The following TRPA1 variants were observed in gnomAD, a reference collection of about 807,000 sequenced individuals.
TRPA1 encodes transient receptor potential cation channel subfamily A member 1.
TRPA1 carries 129 observed loss-of-function variants against 131.3 expected under a neutral mutation model. The observed-to-expected ratio is 0.98, with a 90% CI of 0.85 to 1.14. TRPA1 has a LOEUF of 1.14. Ranked by LOEUF, TRPA1 falls within the 50% of genes most tolerant of loss-of-function variation. The probability of loss-of-function intolerance (pLI) is 0.00; values close to 1 mark genes in which losing one functional copy is unlikely to be tolerated. For missense variants in TRPA1, 1,304 were observed against 1,354.2 expected, an observed-to-expected ratio of 0.96 and a Z score of 0.58; for synonymous variants, 441 against 451.7, an observed-to-expected ratio of 0.98 and a Z score of 0.30.
At chr8:72,040,609 A>C (rs909236696) in intron 17 of TRPA1, among the ~76,000 whole-genome samples, 2 of 152,108 alleles carry the variant, frequency 1.3e-5, no homozygotes, top group African/African-American at 4.8e-5. Context: ...CTGACTTCTA[A>C]GGGGCTGCCC....
chr8:72,077,298 G>GGC (rs1563409758), upstream of TRPA1, among the ~76,000 whole-genome samples: 1 of 145,836 alleles, frequency 6.9e-6, no homozygotes, highest in African/African-American at 2.5e-5. Flanking sequence ...GGTGGGGGGG[G>GGC]GGGCAGCGTG....
intron 1 of TRPA1, among the ~76,000 whole-genome samples, chr8:72,072,457 T>C (rs2129436843): frequency 6.6e-6 from 1 of 152,318 alleles, no homozygotes; most frequent in Non-Finnish European, 1.5e-5. Flanking sequence ...TACAGAATAG[T>C]ACCTAACAAG....
the TRPA1 span, among the ~76,000 whole-genome samples, chr8:72,085,053 T>C: frequency 6.6e-6 from 1 of 152,134 alleles, no homozygotes; most frequent in African/African-American, 2.4e-5. Context: ...GAATTCTAAT[T>C]TCCTTTTCAA....
chr8:72,035,329 G>A (rs1811991815), intron 21 of TRPA1, among the ~76,000 whole-genome samples: 1 of 152,000 alleles, frequency 6.6e-6, no homozygotes, highest in Admixed American at 6.6e-5. Context: ...CCTATTTCTG[G>A]GCCACTGCCT....
At chr8:72,078,354 C>T (rs975321633), upstream of TRPA1, among the ~76,000 whole-genome samples, 1 of 152,076 alleles carries the variant, frequency 6.6e-6, no homozygotes, top group East Asian at 1.9e-4. Flanking sequence ...TTTAGAATAT[C>T]TCCATCAATC....
At chr8:72,087,510 C>G in the TRPA1 span, among the ~76,000 whole-genome samples, 1 of 151,912 alleles carries the variant, frequency 6.6e-6, no homozygotes, top group East Asian at 1.9e-4. Context: ...AACCCATTTT[C>G]CTTGTATCTT....
At chr8:72,065,289 G>A (rs920155504) in intron 4 of TRPA1, among the ~76,000 whole-genome samples, 162 bp downstream of exon 4, 2 of 152,102 alleles carry the variant, frequency 1.3e-5, no homozygotes, top group Non-Finnish European at 2.9e-5. Context: ...TAAGCAGGGA[G>A]TACATATACA....
intron 24 of TRPA1, among the ~76,000 whole-genome samples, chr8:72,029,145 T>C (rs1174156570): frequency 1.3e-5 from 2 of 152,192 alleles, no homozygotes; most frequent in African/African-American, 4.8e-5. Flanking sequence ...AAATTGTCTA[T>C]AAAAATGAGA....
chr8:72,063,983 T>C (rs1805871405), intron 4 of TRPA1, among the ~76,000 whole-genome samples: 1 of 152,126 alleles, frequency 6.6e-6, no homozygotes, highest in South Asian at 2.1e-4. Context: ...CCACTACTCT[T>C]GTTAAGCCAT....
chr8:72,030,760 A>C (rs764819668), intron 23 of TRPA1, among the ~76,000 whole-genome samples: 1 of 152,184 alleles, frequency 6.6e-6, no homozygotes, highest in African/African-American at 2.4e-5. Flanking sequence ...AGAATGATAC[A>C]TTTTATATCT....
At position 72,025,978 on chromosome 8, in the gene TRPA1, T is replaced by C. The variant is rs770368557; in HGVS notation, c.3033A>G (p.Arg1011=). Residue 1011 remains arginine, a synonymous_variant, in exon 25 of 27, where the codon AGA becomes AGG. Transcript: ENST00000262209. ...TACTTACGAATAACATCCCACCAGA[T>C]CTGGGTTTGTTGGGATACACGATGG... is the stretch of plus-strand genomic sequence containing the variant. ...KSTIVYPNKP[R]SGGMLFHIFC... 1.3e-5 allele frequency: 21 copies of C among 1,613,400 alleles called. No individual in the cohort carries two copies. Among genetic ancestry groups the C allele is most frequent in the Non-Finnish European group, 1.8e-5 (21 of 1,179,516 alleles).
intron 3 of TRPA1, among the ~76,000 whole-genome samples, chr8:72,067,912 T>C (rs1312419266): frequency 6.6e-6 from 1 of 152,226 alleles, no homozygotes; most frequent in East Asian, 1.9e-4. Flanking sequence ...CATTCATTCA[T>C]TCAACAGCCA....
At chr8:72,024,075 A>T (rs1811495518) in intron 25 of TRPA1, among the ~76,000 whole-genome samples, 164 bp from the exon 26 acceptor site, 1 of 152,226 alleles carries the variant, frequency 6.6e-6, no homozygotes, top group Non-Finnish European at 1.5e-5. Context: ...GTGAAGAAAG[A>T]GCTGTGAAAG....
At chr8:72,060,856 GTTTCT>G (rs1805791626) in intron 7 of TRPA1, among the ~76,000 whole-genome samples, 1 of 138,738 alleles carries the variant, frequency 7.2e-6, no homozygotes, top group Non-Finnish European at 1.5e-5. Context: ...GGTAGCTATA[GTTTCT>G]TTTTTTTTTT....
intron 23 of TRPA1, among the ~76,000 whole-genome samples, 153 bp downstream of exon 23, chr8:72,033,491 C>G (rs1189304292): frequency 6.6e-6 from 1 of 152,086 alleles, no homozygotes; most frequent in African/African-American, 2.4e-5. Flanking sequence ...CCTGGTGCTC[C>G]CCAGGCACCA....
In TRPA1 at chr8:72,067,567, T is replaced by C. The variant is rs1411940489; in HGVS notation, c.444+1456A>G. 3.3e-5 allele frequency among the ~76,000 whole-genome samples: 5 copies of C among 152,174 alleles called. 1 individual carries two copies. Among genetic ancestry groups the C allele is most frequent in the African/African-American group, 1.2e-4 (5 of 41,446 alleles). ...ATTTCTGCTTTCTAATTAACAATAG[T>C]CTTTCAACAGTTACCTATCTTCAAT... On this transcript the variant is annotated intron_variant, in intron 3 of 26. Coordinates refer to ENST00000262209, the MANE Select transcript of TRPA1 (RefSeq NM_007332.3).
At position 72,038,197 on chromosome 8, in the gene TRPA1, T is replaced by G. The variant is rs185404031; in HGVS notation, c.2296-125A>C. ...GCTTAATTTCTATATACTGTCCACT[T>G]TGAGTTAAACAGAAAATTTAACTGA... On this transcript the variant is annotated intron_variant, in intron 19 of 26. Transcript: ENST00000262209. 8.5e-4 allele frequency: 486 copies of G among 574,654 alleles called. 6 individuals carry two copies. Among genetic ancestry groups the G allele is most frequent in the African/African-American group, 7.9e-3 (421 of 53,256 alleles). 35.6% of individuals were successfully genotyped at this position (574,654 alleles called of 1,614,324 possible). A position where few individuals can be genotyped will look rare whatever the true frequency, so the allele number is the denominator to read the frequency against.
chr8:72,075,076 C>G (rs566572095), intron 1 of TRPA1, among the ~76,000 whole-genome samples: 1 of 152,220 alleles, frequency 6.6e-6, no homozygotes, highest in South Asian at 2.1e-4. Flanking sequence ...TGCAGTTGCC[C>G]GTCCAGGAGC....
intron 17 of TRPA1, among the ~76,000 whole-genome samples, chr8:72,046,256 A>G (rs1400933133): frequency 6.6e-6 from 1 of 152,012 alleles, no homozygotes; most frequent in East Asian, 1.9e-4. Flanking sequence ...TTTGAGTCAC[A>G]TGGAAGATAT....
Sources: allele counts gnomAD v4.1 joint callset (sites outside exome capture counted in the v4.1 genomes callset), GRCh38; gene constraint gnomAD v4.1.1; transcripts MANE v1.5; gene names NCBI Gene and HGNC (gene_info 2026-07-23, HGNC 2026-07-21).